AIG1: variants seen among roughly 807,000 people sequenced by gnomAD.
AIG1 encodes androgen induced 1.
AIG1 carries 23 observed loss-of-function variants against 31.4 expected under a neutral mutation model. That is an observed-to-expected ratio of 0.73 (90% CI 0.53 to 1.04). AIG1 has a LOEUF of 1.04. AIG1 is among the 50% of genes least tolerant of loss of function. AIG1 has a pLI of 0.00. For missense variants in AIG1, 274 were observed against 295.0 expected (o/e 0.93, Z 0.52); for synonymous variants, 100 against 110.5 (o/e 0.90, Z 0.60).
In AIG1 at chr6:143,299,938, C is replaced by T. The variant is rs1261821910; in HGVS notation, c.515+15713C>T. Among the ~76,000 whole-genome samples the T allele has an allele frequency of 6.6e-6, 1 of 152,178 alleles. No individual in the cohort carries two copies. The highest frequency in any genetic ancestry group is 1.9e-4 in the East Asian group (1 of 5,198). On this transcript the variant is annotated intron_variant, in intron 4 of 5. Transcript: ENST00000357847. The surrounding 1 kb of genome is among the most constrained non-coding windows in gnomAD (Gnocchi z 4.1). ...TCAGGTGCCCCTTTCAAGTGGCACCCTCCATTCACCCCATCATAGCATTTC... is the reference window on the plus strand; with the variant it reads ...TCAGGTGCCCCTTTCAAGTGGCACCTTCCATTCACCCCATCATAGCATTTC...
At chr6:143,198,138 G>A (rs2128604159) in intron 3 of AIG1, among the ~76,000 whole-genome samples, 1 of 152,276 alleles carries the variant, frequency 6.6e-6, no homozygotes, top group East Asian at 1.9e-4. Context: ...ATACTTCTGT[G>A]TACCAAGTAC....
intron 4 of AIG1, among the ~76,000 whole-genome samples, chr6:143,302,153 C>CT (rs908371951): frequency 3.3e-4 from 46 of 138,416 alleles, no homozygotes; most frequent in East Asian, 4.1e-4. Flanking sequence ...GAGAATTCTA[C>CT]TTTTTTTTTT....
chr6:143,313,746 C>T (rs186485383), intron 4 of AIG1, among the ~76,000 whole-genome samples: 1 of 152,118 alleles, frequency 6.6e-6, no homozygotes, highest in Non-Finnish European at 1.5e-5. Context: ...ATGGATACCC[C>T]ATTTACCCTG....
intron 4 of AIG1, among the ~76,000 whole-genome samples, chr6:143,306,758 A>C: frequency 6.6e-6 from 1 of 152,074 alleles, no homozygotes; most frequent in East Asian, 1.9e-4. Context: ...GCCTTGCTAG[A>C]TTGGGGAAGT....
intron 2 of AIG1, among the ~76,000 whole-genome samples, chr6:143,152,463 A>G (rs1306332331): frequency 6.6e-6 from 1 of 152,024 alleles, no homozygotes; most frequent in Non-Finnish European, 1.5e-5. Flanking sequence ...TTTTTTTTCC[A>G]AAAGAAACTT....
intron 3 of AIG1, among the ~76,000 whole-genome samples, chr6:143,277,858 C>T (rs1027079705): frequency 6.6e-6 from 1 of 152,208 alleles, no homozygotes; most frequent in Non-Finnish European, 1.5e-5. Flanking sequence ...ACATAGTCTT[C>T]AAATATTGCC....
chr6:143,328,004 C>T lies in AIG1; in HGVS notation c.516-5278C>T, dbSNP rs1776751536. ...TGTGTATAAGTAGTGAACATGATGC[C>T]ATAGCCATGAATGAACTCATCAACT... is the stretch of plus-strand genomic sequence containing the variant. On this transcript the variant is annotated intron_variant, in intron 4 of 5. Transcript: ENST00000357847. This position sits in a 1 kb window ranked among gnomAD's most constrained non-coding sequence, Gnocchi z 4.0. 2.6e-5 allele frequency among the ~76,000 whole-genome samples: 4 copies of T among 152,034 alleles called. No homozygotes were observed. The South Asian group carries it at 8.3e-4, about 32-fold the overall frequency.
At chr6:143,234,847 A>G (rs998123563) in intron 3 of AIG1, among the ~76,000 whole-genome samples, 2 of 152,202 alleles carry the variant, frequency 1.3e-5, no homozygotes, top group African/African-American at 4.8e-5. Flanking sequence ...TTCATGACTC[A>G]TGGTGGATAT....
intron 3 of AIG1, among the ~76,000 whole-genome samples, chr6:143,216,785 T>C (rs1020113256): frequency 6.6e-6 from 1 of 152,194 alleles, no homozygotes; most frequent in Non-Finnish European, 1.5e-5. Flanking sequence ...TACGCTTCCC[T>C]ACAGTGTCTT....
At chr6:143,208,719 C>T (rs976084057) in intron 3 of AIG1, among the ~76,000 whole-genome samples, 1 of 152,158 alleles carries the variant, frequency 6.6e-6, no homozygotes. Context: ...TCTAATCTCA[C>T]ACTTCATCCA....
At chr6:143,269,315 TC>T (rs1310886876) in intron 3 of AIG1, among the ~76,000 whole-genome samples, 1 of 152,140 alleles carries the variant, frequency 6.6e-6, no homozygotes, top group Admixed American at 6.5e-5. Context: ...AAAGACAGTA[TC>T]AAGTGCTGGC....
At chr6:143,271,101 T>C (rs1796495473) in intron 3 of AIG1, among the ~76,000 whole-genome samples, 1 of 152,202 alleles carries the variant, frequency 6.6e-6, no homozygotes, top group South Asian at 2.1e-4. Flanking sequence ...GCCACCACAC[T>C]CAGGCATGAG....
intron 3 of AIG1, among the ~76,000 whole-genome samples, chr6:143,194,394 A>G (rs1790053966): frequency 1.3e-5 from 2 of 152,176 alleles, no homozygotes; most frequent in South Asian, 2.1e-4. Flanking sequence ...CCCTCCCTCG[A>G]CACGTAGGGG....
chr6:143,285,404 G>A lies in AIG1; in HGVS notation c.515+1179G>A, dbSNP rs562915450. 1.5e-3 allele frequency among the ~76,000 whole-genome samples: 225 copies of A among 151,118 alleles called. 2 individuals carry two copies. The highest frequency in any genetic ancestry group is 5.0e-3 in the African/African-American group (205 of 41,314). ...CAGCTGGGTGCTGTGGCTCACGCTT[G>A]TAATCCCAGCACTTTGGGACGCCCA... On this transcript the variant is annotated intron_variant, in intron 4 of 5. Transcript: ENST00000357847.
At chr6:143,185,599 T>C (rs1041963466) in intron 3 of AIG1, among the ~76,000 whole-genome samples, 2 of 152,254 alleles carry the variant, frequency 1.3e-5, no homozygotes, top group East Asian at 3.8e-4. Flanking sequence ...TGAGCCTCTT[T>C]ATCCAGCAGG....
chr6:143,066,429 C>T (rs1295277565), intron 1 of AIG1, among the ~76,000 whole-genome samples: 2 of 152,016 alleles, frequency 1.3e-5, no homozygotes, highest in African/African-American at 2.4e-5. Context: ...CCTGCCACCA[C>T]ACCTGGCTAA....
At chr6:143,239,461 A>ATGCT (rs1342521438) in intron 3 of AIG1, among the ~76,000 whole-genome samples, 4 of 152,140 alleles carry the variant, frequency 2.6e-5, no homozygotes, top group Non-Finnish European at 5.9e-5. Context: ...GAGATGGTGG[A>ATGCT]TGCTTGTATC....
chr6:143,180,945 G>T (rs1020324476), intron 3 of AIG1, among the ~76,000 whole-genome samples: 1 of 152,164 alleles, frequency 6.6e-6, no homozygotes, highest in Non-Finnish European at 1.5e-5. Flanking sequence ...GTCTTTCCCA[G>T]AAGAGAAGGC....
chr6:143,094,324 A>C (rs1480818042), intron 1 of AIG1: 1 of 152,192 alleles, frequency 6.6e-6, no homozygotes, highest in Non-Finnish European at 1.5e-5. Flanking sequence ...TGGTGGCAGA[A>C]ACCTAGAAAA....
Sources: gnomAD v4.1 joint callset for allele counts (sites outside exome capture counted in the v4.1 genomes callset) on GRCh38, gnomAD v4.1.1 for gene constraint, Gnocchi (gnomAD v3.1) non-coding constraint, MANE v1.5 for transcripts, NCBI Gene and HGNC (gene_info 2026-07-23, HGNC 2026-07-21) for gene names.